The following WDR41 variants were observed in gnomAD, a reference collection of about 807,000 sequenced individuals.
The protein encoded by WDR41 is WD repeat-containing protein 41.
WDR41 carries 63 observed loss-of-function variants against 69.3 expected under a neutral mutation model. The ratio of observed to expected loss-of-function variants is 0.91; its 90% CI spans 0.74 to 1.12. The LOEUF (loss-of-function observed/expected upper bound fraction) is 1.12, where lower values mean the gene tolerates loss of function less well. WDR41 is among the 50% of genes most tolerant of loss of function. The probability of loss-of-function intolerance (pLI) is 0.00; values close to 1 mark genes in which losing one functional copy is unlikely to be tolerated. For synonymous variants in WDR41, 185 were observed against 192.1 expected (o/e 0.96, Z 0.31); for missense variants, 543 against 534.5 (o/e 1.02, Z -0.16).
At chr5:77,539,302 T>G (rs1012528723) in intron 1 of WDR41, among the ~76,000 whole-genome samples, 1 of 152,240 alleles carries the variant, frequency 6.6e-6, no homozygotes, top group Non-Finnish European at 1.5e-5. Context: ...TCAATTCATA[T>G]TCTTTGTGCT....
chr5:77,575,284 GAGAAAT>G (rs1467962103), intron 1 of WDR41, among the ~76,000 whole-genome samples: 26 of 152,200 alleles, frequency 1.7e-4, no homozygotes, highest in Non-Finnish European at 4.4e-5. Flanking sequence ...TTGATATAGT[GAGAAAT>G]AGGAAAGAAC....
chr5:77,607,429 G>C (rs1023286574), intron 1 of WDR41, among the ~76,000 whole-genome samples: 1 of 152,234 alleles, frequency 6.6e-6, no homozygotes, highest in African/African-American at 2.4e-5. Context: ...AAGATACAGG[G>C]AAAGCAAGAG....
chr5:77,560,609 T>C (rs997391974), intron 1 of WDR41, among the ~76,000 whole-genome samples: 43 of 152,242 alleles, frequency 2.8e-4, no homozygotes, highest in African/African-American at 9.9e-4. Context: ...ATAAAAACTT[T>C]GTAAATTGGC....
At chr5:77,511,954 C>T (rs1802209936) in intron 1 of WDR41, among the ~76,000 whole-genome samples, 1 of 152,000 alleles carries the variant, frequency 6.6e-6, no homozygotes, top group South Asian at 2.1e-4. Flanking sequence ...AATTACTTTA[C>T]CACCTATTCC....
chr5:77,433,407 G>A (rs1175824838), intron 12 of WDR41, 120 bp from the exon 13 acceptor site: 28 of 737,532 alleles, frequency 3.8e-5, no homozygotes, highest in Middle Eastern at 4.0e-4. Flanking sequence ...TCTGGGTGTA[G>A]AACTTCATTT....
intron 8 of WDR41, among the ~76,000 whole-genome samples, chr5:77,444,696 A>G (rs1192946745): frequency 2.6e-5 from 4 of 152,236 alleles, no homozygotes; most frequent in African/African-American, 9.6e-5. Flanking sequence ...GAAGCAGGGA[A>G]CTGTACAACA....
chr5:77,558,982 G>A (rs759807023), intron 1 of WDR41, among the ~76,000 whole-genome samples: 1 of 152,104 alleles, frequency 6.6e-6, no homozygotes, highest in Non-Finnish European at 1.5e-5. Flanking sequence ...AGATTCCTTA[G>A]GGAATCAAAT....
At chr5:77,554,342 A>C (rs769881817) in intron 1 of WDR41, among the ~76,000 whole-genome samples, 13 of 152,200 alleles carry the variant, frequency 8.5e-5, no homozygotes, top group Non-Finnish European at 1.8e-4. Context: ...TTCTTACGTT[A>C]AAATCTAATC....
intron 1 of WDR41, among the ~76,000 whole-genome samples, chr5:77,521,754 C>T (rs1180288555): frequency 6.6e-6 from 1 of 152,138 alleles, no homozygotes; most frequent in Non-Finnish European, 1.5e-5. Flanking sequence ...CATTTTACTG[C>T]AGAAATATTA....
intron 1 of WDR41, among the ~76,000 whole-genome samples, chr5:77,522,751 T>G (rs1227054651): frequency 6.6e-6 from 1 of 152,042 alleles, no homozygotes; most frequent in Non-Finnish European, 1.5e-5. Context: ...AGGGGGCAAC[T>G]ATAAAAATTA....
At chr5:77,551,516 A>G (rs1017294606) in intron 1 of WDR41, among the ~76,000 whole-genome samples, 6 of 107,420 alleles carry the variant, frequency 5.6e-5, no homozygotes, top group African/African-American at 3.7e-4. Context: ...TGTCGCTACT[A>G]AAAACACAAG....
intron 1 of WDR41, among the ~76,000 whole-genome samples, chr5:77,574,125 C>T (rs1024360121): frequency 6.6e-6 from 1 of 152,008 alleles, no homozygotes; most frequent in African/African-American, 2.4e-5. Flanking sequence ...TGGTAAAACC[C>T]TGTCTCTACT....
At chr5:77,518,430 G>A (rs1320834952) in intron 1 of WDR41, among the ~76,000 whole-genome samples, 1 of 152,010 alleles carries the variant, frequency 6.6e-6, no homozygotes, top group Non-Finnish European at 1.5e-5. Context: ...AAAAATAAAT[G>A]GTAATTATTA....
chr5:77,581,045 A>T (rs1480439928), intron 1 of WDR41, among the ~76,000 whole-genome samples: 4 of 152,098 alleles, frequency 2.6e-5, no homozygotes, highest in Non-Finnish European at 4.4e-5. Flanking sequence ...AATATTAAAC[A>T]TAAATGGATT....
rs1799439676 is a variant in WDR41 at position 77,447,690 on chromosome 5, TTCTCAC to T, written c.697+2064_697+2069del. The stretch of plus-strand genomic sequence containing the variant: ...GGAACAGAAAATCAAATGCCGCATA[TTCTCAC>T]TCTAACTGGAAACTGAACAATGAGA... On this transcript the variant is annotated intron_variant, in intron 8 of 12. Coordinates refer to ENST00000296679, the MANE Select transcript of WDR41 (RefSeq NM_018268.4). 2.6e-5 allele frequency among the ~76,000 whole-genome samples: 4 copies of T among 152,230 alleles called. No homozygotes were observed. The South Asian group carries it at 8.3e-4, about 32-fold the overall frequency.
intron 12 of WDR41, among the ~76,000 whole-genome samples, chr5:77,434,051 C>T (rs1251782009): frequency 2.0e-5 from 3 of 152,056 alleles, no homozygotes; most frequent in African/African-American, 2.4e-5. Context: ...GAAACAGGGC[C>T]GGGCGTGGTG....
chr5:77,558,543 G>A (rs765541563), intron 1 of WDR41, among the ~76,000 whole-genome samples: 1 of 152,122 alleles, frequency 6.6e-6, no homozygotes, highest in Non-Finnish European at 1.5e-5. Context: ...GCAGGCTGAG[G>A]TCATTTCCAA....
At chr5:77,466,719 A>C (rs936818539) in intron 2 of WDR41, among the ~76,000 whole-genome samples, 3 of 151,746 alleles carry the variant, frequency 2.0e-5, no homozygotes, top group Non-Finnish European at 4.4e-5. Context: ...GCATGAAATC[A>C]CAGTCAATTT....
At chr5:77,618,814 A>C (rs1211793973) in intron 1 of WDR41, among the ~76,000 whole-genome samples, 4 of 152,330 alleles carry the variant, frequency 2.6e-5, no homozygotes, top group South Asian at 4.1e-4. Context: ...AAGGTTGAAG[A>C]CTTGCTTTGT....
Sources: allele counts gnomAD v4.1 joint callset (sites outside exome capture counted in the v4.1 genomes callset), GRCh38; gene constraint gnomAD v4.1.1; transcripts MANE v1.5; gene names NCBI Gene and HGNC (gene_info 2026-07-23, HGNC 2026-07-21).